Variants in PHKA2 observed in about 807,000 individuals in gnomAD.
The protein encoded by PHKA2 is phosphorylase kinase regulatory subunit alpha 2.
In PHKA2, 31 loss-of-function variants were observed where a neutral mutation model predicts 102.0. The observed-to-expected ratio is 0.30, with a 90% CI of 0.23 to 0.41. The LOEUF is 0.41. Among genes scored for constraint, PHKA2 ranks in the 10% least tolerant of loss-of-function variants. PHKA2 has a pLI of 1.00. For missense variants in PHKA2, 858 were observed against 1,023.1 expected (o/e 0.84, Z 2.20); for synonymous variants, 455 against 416.2 (o/e 1.09, Z -1.13).
At chrX:18,909,880 C>T (rs1054134236) in intron 20 of PHKA2, among the ~76,000 whole-genome samples, 3 of 112,102 alleles carry the variant, frequency 2.7e-5, no homozygotes, top group African/African-American at 9.7e-5. Flanking sequence ...CTTCTCTATT[C>T]CTGCTTTCTG....
Position 18,899,205 on chromosome X carries a change from C to A in PHKA2, c.3079G>T (p.Ala1027Ser), listed in dbSNP as rs142314331. 5.8e-6 allele frequency: 7 copies of A among 1,207,876 alleles called. No homozygotes were observed. The highest frequency in any genetic ancestry group is 7.8e-6 in the Non-Finnish European group (7 of 893,291). The change falls in exon 29 of 33, where the codon GCG becomes TCG. Residue 1027 changes from alanine (A) to serine (S), a missense_variant. By Grantham distance (99) the Ala-to-Ser change is moderately conservative. This residue lies in a region of PHKA2 where 671 missense variants were observed against 745.2 expected (regional missense o/e 0.90). Coordinates refer to ENST00000379942, the MANE Select transcript of PHKA2 (RefSeq NM_000292.3). ...DEQFFSVGQA[A>S]SSSAHSSKSA... ...TTGGAGGAATGCGCACTGCTGGACG[C>A]GGCCTGGCCCACAGAAAAGAACTAC...
At chrX:18,938,563 A>T in intron 10 of PHKA2, 64 bp downstream of exon 10, 2 of 1,074,612 alleles carry the variant, frequency 1.9e-6, no homozygotes, top group Non-Finnish European at 2.6e-6. Flanking sequence ...CCTATGTTCT[A>T]ATAATAATCA....
Position 18,894,415 on chromosome X carries a change from G to A in PHKA2, c.3337-11C>T, listed in dbSNP as rs775636145. 1 of 1,195,431 alleles carries A rather than the reference G, an allele frequency of 8.4e-7. No homozygotes were observed. Among genetic ancestry groups the A allele is most frequent in the Non-Finnish European group, 1.1e-6 (1 of 882,923 alleles). ...CTCATGCGGGGTCATCTACCAAAGG[G>A]ACAGGCAGGCAACCACCAGTGAGAG... On this transcript the variant is annotated splice_polypyrimidine_tract_variant and intron_variant, in intron 31 of 32. Transcript: ENST00000379942.
chrX:18,903,870 T>C (rs188790702), intron 26 of PHKA2, among the ~76,000 whole-genome samples: 2 of 112,093 alleles, frequency 1.8e-5, no homozygotes, highest in East Asian at 5.6e-4. Flanking sequence ...CTCCCAGGTC[T>C]AGCTGTCTTC....
chrX:18,901,633 C>T, intron 26 of PHKA2, 30 bp from the exon 27 acceptor site: 2 of 1,000,275 alleles, frequency 2.0e-6, no homozygotes, highest in Non-Finnish European at 2.8e-6. Context: ...ACGTGGTTCT[C>T]AGGAACTCTA....
intron 32 of PHKA2, 49 bp from the exon 33 acceptor site, chrX:18,893,704 C>A (rs202049814): frequency 3.7e-5 from 41 of 1,117,671 alleles, no homozygotes; most frequent in Non-Finnish European, 4.6e-5. Context: ...CCCCACTCCC[C>A]GTCACGCTTC....
At chrX:18,967,058 A>G (rs1386959928) in intron 1 of PHKA2, among the ~76,000 whole-genome samples, 4 of 110,798 alleles carry the variant, frequency 3.6e-5, no homozygotes, top group Non-Finnish European at 7.6e-5. Context: ...GGGAGAGGGG[A>G]AAAAAGGGGC....
intron 1 of PHKA2, among the ~76,000 whole-genome samples, chrX:18,960,344 A>G (rs1293405479): frequency 8.9e-6 from 1 of 112,032 alleles, no homozygotes; most frequent in Non-Finnish European, 1.9e-5. Flanking sequence ...CATATTTGCT[A>G]TAAGGAAATA....
In PHKA2 at chrX:18,893,632, G is replaced by A; in HGVS notation, c.3561C>T (p.Thr1187=). 8.3e-7 allele frequency: 1 copy of A among 1,211,408 alleles called. No individual in the cohort carries two copies. The highest frequency in any genetic ancestry group is 1.1e-6 in the Non-Finnish European group (1 of 895,001). ...QDQVSIGAMD[T]LEKDQATGIC... ...TTCCTGTGGCTTGGTCTTTCTCCAG[G>A]GTGTCCATGGCACCAATTGACACCT... Residue 1187 remains threonine, a synonymous_variant, in exon 33 of 33, where the codon ACC becomes ACT. Coordinates refer to ENST00000379942, the MANE Select transcript of PHKA2 (RefSeq NM_000292.3).
At chrX:18,941,481 C>A in intron 8 of PHKA2, 48 bp downstream of exon 8, 1 of 1,132,798 alleles carries the variant, frequency 8.8e-7, no homozygotes, top group African/African-American at 1.8e-5. Flanking sequence ...TGAGCTGCTC[C>A]ATGCACATCA....
At chrX:18,964,078 A>T (rs748408132) in intron 1 of PHKA2, among the ~76,000 whole-genome samples, 2 of 111,255 alleles carry the variant, frequency 1.8e-5, no homozygotes, top group East Asian at 5.7e-4. Context: ...AATCCCTTTG[A>T]TTGCCATCCA....
At chrX:18,923,861 T>C (rs776077192) in intron 17 of PHKA2, among the ~76,000 whole-genome samples, 195 bp downstream of exon 17, 59 of 111,911 alleles carry the variant, frequency 5.3e-4, no homozygotes, top group Non-Finnish European at 8.6e-4. Context: ...TTAAAAGATA[T>C]CAGCCGAGTG....
intron 8 of PHKA2, among the ~76,000 whole-genome samples, chrX:18,940,328 T>C (rs2048471842): frequency 8.9e-6 from 1 of 111,976 alleles, no homozygotes; most frequent in African/African-American, 3.2e-5. Flanking sequence ...CATTCTGATT[T>C]ACTGTATTAC....
intron 1 of PHKA2, among the ~76,000 whole-genome samples, chrX:18,976,292 A>G (rs2049089803): frequency 8.9e-6 from 1 of 111,835 alleles, no homozygotes; most frequent in East Asian, 2.8e-4. Context: ...TTTAACTTCC[A>G]AGATACATAA....
intron 18 of PHKA2, 149 bp downstream of exon 18, chrX:18,919,883 T>C (rs1381710828): frequency 1.9e-6 from 1 of 521,678 alleles, no homozygotes; most frequent in Non-Finnish European, 3.3e-6. Context: ...TTCATTTTAA[T>C]ATATGCAAGT....
chrX:18,894,684 T>C, intron 31 of PHKA2: 1 of 420,374 alleles, frequency 2.4e-6, no homozygotes, highest in South Asian at 3.4e-5. Flanking sequence ...TGGTTTCTCT[T>C]TCCTCTTCAT....
rs1161276206 is a variant in PHKA2, at chrX:18,951,177, G to A, written c.381C>T (p.Asp127=). 1.2e-5 allele frequency: 15 copies of A among 1,209,589 alleles called. No homozygotes were observed. The highest frequency in any genetic ancestry group is 2.3e-4 in the Middle Eastern group (1 of 4,328). ...NTATCGTVVG[D]DQWGHLQVDA... The stretch of plus-strand genomic sequence containing the variant: ...CCACCTGGAGGTGGCCCCACTGGTC[G>A]TCGCCCACCACCGTGCCACAGGTGG... Residue 127 remains aspartate (D), a synonymous_variant, in exon 4 of 33, where the codon GAC becomes GAT. Coordinates refer to ENST00000379942, the MANE Select transcript of PHKA2 (RefSeq NM_000292.3).
In PHKA2 at chrX:18,908,930, G is replaced by T; in HGVS notation, c.2231C>A (p.Pro744His). ...TCTGGGCCACTGAAAGTCACTTTCA[G>T]GAACCTGTTCATACAAGAGCCAGAA... ...DSPQPLLEKV[P>H]ESDFQWPRDD... The change falls in exon 21 of 33, where the codon CCT (proline) becomes CAT (histidine). Residue 744 changes from proline (P) to histidine (H), a missense_variant. Pro to His is a moderately conservative substitution (Grantham distance 77). Transcript: ENST00000379942. 2 of 1,210,587 alleles carry T rather than the reference G, an allele frequency of 1.7e-6. No individual in the cohort carries two copies. The highest frequency in any genetic ancestry group is 2.2e-6 in the Non-Finnish European group (2 of 894,533).
Position 18,925,855 on chromosome X carries a change from T to C in PHKA2, c.1460-78A>G, listed in dbSNP as rs1601739557. On this transcript the variant is annotated intron_variant, in intron 14 of 32. Transcript: ENST00000379942. Reference sequence around the variant, plus strand: ...TAATCCAGGCAACTCAGGCTAAGACTGAGCTTATTTCTAGATTAGACAACC... The same window carrying C: ...TAATCCAGGCAACTCAGGCTAAGACCGAGCTTATTTCTAGATTAGACAACC... 4.3e-5 allele frequency: 29 copies of C among 677,743 alleles called. No individual in the cohort carries two copies. In the East Asian group the frequency reaches 8.4e-4, roughly 20 times the overall value. The allele number at this position is 677,743 out of a possible 1,213,427, so 55.9% of individuals were successfully genotyped here.
Sources: allele counts gnomAD v4.1 joint callset (sites outside exome capture counted in the v4.1 genomes callset), GRCh38; gene constraint gnomAD v4.1.1; regional missense constraint gnomAD v4.1.1; transcripts MANE v1.5; gene names NCBI Gene and HGNC (gene_info 2026-07-23, HGNC 2026-07-21).